The following RPRD2 variants were observed in gnomAD, a reference collection of about 807,000 sequenced individuals.
RPRD2 encodes the protein regulation of nuclear pre-mRNA domain containing 2.
In RPRD2, 12 loss-of-function variants were observed where a neutral mutation model predicts 104.4. The observed-to-expected ratio is 0.11, with a 90% confidence interval of 0.07 to 0.19. The LOEUF (loss-of-function observed/expected upper bound fraction) is 0.19. Among genes scored for constraint, RPRD2 ranks in the 10% least tolerant of loss-of-function variants. The pLI, the probability that RPRD2 is intolerant of heterozygous loss-of-function variation, is 1.00. For missense variants in RPRD2, 1,543 were observed against 1,790.1 expected, an observed-to-expected ratio of 0.86 and a Z score of 2.49; for synonymous variants, 714 against 684.9, an observed-to-expected ratio of 1.04 and a Z score of -0.66.
rs782051349 is a variant in RPRD2, at chr1:150,411,625, T to C, written c.206-5971T>C. Among the ~76,000 whole-genome samples, 25 of 124,366 alleles carry C rather than the reference T, an allele frequency of 2.0e-4. 4 individuals are homozygous for C. The highest frequency in any genetic ancestry group is 4.2e-4 in the Non-Finnish European group (25 of 59,860). The allele number at this position is 124,366 out of a possible 152,430, so 81.6% of individuals were successfully genotyped here. On this transcript the variant is annotated intron_variant, in intron 1 of 10. Coordinates refer to ENST00000369068, the MANE Select transcript of RPRD2 (RefSeq NM_015203.5). ...GACCAACATGATGAAACCCCGTCTCTACTGAAAATACAAAAATTAGCCAGG... is the reference window on the plus strand; with the variant it reads ...GACCAACATGATGAAACCCCGTCTCCACTGAAAATACAAAAATTAGCCAGG...
At chr1:150,385,590 T>A (rs1340699113) in intron 1 of RPRD2, among the ~76,000 whole-genome samples, 7 of 152,252 alleles carry the variant, frequency 4.6e-5, no homozygotes, top group African/African-American at 1.4e-4. Flanking sequence ...GTATGGGTTA[T>A]CATAATACAA....
At chr1:150,402,416 G>A (rs1344898902) in intron 1 of RPRD2, among the ~76,000 whole-genome samples, 1 of 152,114 alleles carries the variant, frequency 6.6e-6, no homozygotes, top group Non-Finnish European at 1.5e-5. Context: ...GGTGGCTCAC[G>A]CCTGTAATCC....
At chr1:150,365,233 C>G (rs1659746233) in intron 1 of RPRD2, among the ~76,000 whole-genome samples, 1 of 152,312 alleles carries the variant, frequency 6.6e-6, no homozygotes, top group South Asian at 2.1e-4. Context: ...TTTTCCGAAC[C>G]TTCGCGGAAA....
intron 1 of RPRD2, among the ~76,000 whole-genome samples, chr1:150,401,919 A>T (rs1175139593): frequency 3.3e-5 from 5 of 151,010 alleles, no homozygotes; most frequent in Non-Finnish European, 5.9e-5. Flanking sequence ...CTGGGATTAC[A>T]GGCGTGAGCC....
chr1:150,412,102 G>A (rs890950892), intron 1 of RPRD2, among the ~76,000 whole-genome samples: 11 of 152,008 alleles, frequency 7.2e-5, no homozygotes, highest in South Asian at 2.1e-4. Flanking sequence ...TGGCCTGGGC[G>A]ATAGAGTGAG....
intron 2 of RPRD2, 124 bp from the exon 3 acceptor site, chr1:150,440,799 G>A (rs1351719315): frequency 3.2e-6 from 2 of 633,560 alleles, no homozygotes; most frequent in Non-Finnish European, 5.5e-6. Flanking sequence ...TAGAAAAAAG[G>A]TTTTGAAATA....
At chr1:150,409,087 C>G (rs1295300518) in intron 1 of RPRD2, 2 of 152,220 alleles carry the variant, frequency 1.3e-5, no homozygotes, top group Non-Finnish European at 2.9e-5. Flanking sequence ...TCTAACCCGT[C>G]TCCTACCAAG....
chr1:150,402,932 C>A (rs1663165472), intron 1 of RPRD2, among the ~76,000 whole-genome samples: 1 of 151,078 alleles, frequency 6.6e-6, no homozygotes, highest in South Asian at 2.1e-4. Flanking sequence ...CGCGCCACTG[C>A]ACTCCAGCCT....
rs202188814 is a variant in RPRD2, at chr1:150,472,840, C to G, written c.3892C>G (p.Pro1298Ala). ...PFSTPPPPPP[P>A]VDHSGVVPFP... ...TTCTACTCCACCCCCTCCTCCACCCCCTGTTGACCACTCTGGAGTTGTACC... is the reference window on the plus strand; with the variant it reads ...TTCTACTCCACCCCCTCCTCCACCCGCTGTTGACCACTCTGGAGTTGTACC... The change falls in exon 11 of 11, where the codon CCT (proline) becomes GCT (alanine). Residue 1298 changes from proline (P) to alanine (A), a missense_variant. Physicochemically the swap from Pro to Ala is conservative, Grantham distance 27. Transcript: ENST00000369068. 8 of 1,612,664 alleles carry G rather than the reference C, an allele frequency of 5.0e-6. No individual in the cohort carries two copies. In the South Asian group the frequency reaches 5.5e-5, roughly 11 times the overall value.
At position 150,471,966 on chromosome 1, in the gene RPRD2, G is replaced by T; in HGVS notation, c.3018G>T (p.Thr1006=). 6.2e-7 allele frequency: 1 copy of T among 1,613,888 alleles called. No homozygotes were observed. Among genetic ancestry groups the T allele is most frequent in the East Asian group, 2.2e-5 (1 of 44,880 alleles). The change falls in exon 11 of 11, where the codon ACG becomes ACT. Residue 1006 remains threonine, a synonymous_variant. Transcript: ENST00000369068. This position sits in a 1 kb window ranked among gnomAD's most constrained non-coding sequence, Gnocchi z 5.3. ...CCTCCACCATTTCCACCACGTCGAC[G>T]ATTGAATTTAAGAATATGCTTAAAA... is the stretch of plus-strand genomic sequence containing the variant. The part of the protein sequence containing the change: ...VLASTISTTS[T]IEFKNMLKNA...
chr1:150,446,704 A>C (rs1553895563), intron 7 of RPRD2, among the ~76,000 whole-genome samples: 1 of 152,108 alleles, frequency 6.6e-6, no homozygotes, highest in Non-Finnish European at 1.5e-5. Context: ...AGCTGTGATC[A>C]CGCCACTGCA....
At chr1:150,431,087 A>C (rs1384482429) in intron 2 of RPRD2, among the ~76,000 whole-genome samples, 1 of 152,234 alleles carries the variant, frequency 6.6e-6, no homozygotes, top group Non-Finnish European at 1.5e-5. Flanking sequence ...AAAAGCATCC[A>C]GAGTTTACAT....
intron 1 of RPRD2, among the ~76,000 whole-genome samples, chr1:150,398,421 C>T (rs1018104146): frequency 3.9e-5 from 6 of 152,062 alleles, no homozygotes; most frequent in Non-Finnish European, 8.8e-5. Flanking sequence ...TGGTCTCGAT[C>T]TCCTGACCTC....
rs1390197902 is a variant in RPRD2 at position 150,471,435 on chromosome 1, A to T, written c.2487A>T (p.Glu829Asp). 6.2e-7 allele frequency: 1 copy of T among 1,614,002 alleles called. No homozygotes were observed. The highest frequency in any genetic ancestry group is 1.1e-5 in the South Asian group (1 of 91,082). The change falls in exon 11 of 11, where the codon GAA (glutamate) becomes GAT (aspartate). Residue 829 changes from glutamate (E) to aspartate (D), a missense_variant. Around this residue, in one of 4 missense-constraint regions of RPRD2, gnomAD observed 880 missense variants for 885.6 expected, o/e 0.99. Transcript: ENST00000369068. This position sits in a 1 kb window ranked among gnomAD's most constrained non-coding sequence, Gnocchi z 5.3. ...EKFYPDTSFQEDEDYRDFEYS... is the reference protein window; with the variant it reads ...EKFYPDTSFQDDEDYRDFEYS... ...TCTACCCAGATACTTCTTTCCAAGA[A>T]GATGAGGATTACCGAGATTTTGAGT...
intron 8 of RPRD2, 124 bp downstream of exon 8, chr1:150,457,694 C>A: frequency 1.2e-6 from 1 of 827,076 alleles, no homozygotes; most frequent in Non-Finnish European, 2.0e-6. Context: ...ACCAAGGTAG[C>A]ATTATAATCT....
rs1668885615 is a variant in RPRD2, at chr1:150,476,253, C to T, written c.*2919C>T. On this transcript the variant is annotated 3_prime_UTR_variant, in exon 11 of 11. Transcript: ENST00000369068. ...ATATATATGGGTCCAGCAAACCTAT[C>T]GAGATAATGTGAATACGATAAACTT... 1.3e-5 allele frequency: 2 copies of T among 152,216 alleles called. No individual in the cohort carries two copies. Among genetic ancestry groups the T allele is most frequent in the Admixed American group, 6.5e-5 (1 of 15,280 alleles). 9.4% of individuals were successfully genotyped at this position (152,216 alleles called of 1,614,324 possible).
chr1:150,473,307 A>G lies in RPRD2; in HGVS notation c.4359A>G (p.Lys1453=), dbSNP rs765794936. The change falls in exon 11 of 11, where the codon AAA becomes AAG. Residue 1453 remains lysine (K), a synonymous_variant. Transcript: ENST00000369068. ...GGGGCCCTCCGTTCTTTGCACCAAAACGCCCATTCTTCCCTCCCAGGTACT... is the reference window on the plus strand; with the variant it reads ...GGGGCCCTCCGTTCTTTGCACCAAAGCGCCCATTCTTCCCTCCCAGGTACT... ...FARGPPFFAP[K]RPFFPPRY is the part of the protein sequence containing the mutation. The G allele has an allele frequency of 6.2e-7, 1 of 1,612,558 alleles. No individual in the cohort carries two copies.
At chr1:150,406,591 G>T (rs1245711120) in intron 1 of RPRD2, among the ~76,000 whole-genome samples, 1 of 152,058 alleles carries the variant, frequency 6.6e-6, no homozygotes, top group Non-Finnish European at 1.5e-5. Context: ...TATAGATGGG[G>T]TTTCACCATG....
At chr1:150,445,460 C>T (rs976321884) in intron 6 of RPRD2, among the ~76,000 whole-genome samples, 1 of 152,160 alleles carries the variant, frequency 6.6e-6, no homozygotes, top group Non-Finnish European at 1.5e-5. Context: ...GTGATGCATA[C>T]AGAGGTCACT....
Sources: gnomAD v4.1 joint callset for allele counts (sites outside exome capture counted in the v4.1 genomes callset) on GRCh38, gnomAD v4.1.1 for gene constraint, gnomAD v4.1.1 regional missense constraint, Gnocchi (gnomAD v3.1) non-coding constraint, MANE v1.5 for transcripts, NCBI Gene and HGNC (gene_info 2026-07-23, HGNC 2026-07-21) for gene names.